The following FGF13 variants were observed in gnomAD, a reference collection of about 807,000 sequenced individuals.
FGF13 encodes fibroblast growth factor homologous factor 2.
In FGF13, 2 loss-of-function variants were observed where a neutral mutation model predicts 19.5. The ratio of observed to expected loss-of-function variants is 0.10; its 90% CI spans 0.04 to 0.32. FGF13 has a LOEUF of 0.32. Among genes scored for constraint, FGF13 ranks in the 10% least tolerant of loss-of-function variants. The pLI, the probability that FGF13 is intolerant of heterozygous loss-of-function variation, is 1.00. For synonymous variants in FGF13, 72 were observed against 76.9 expected (o/e 0.94, Z 0.33); for missense variants, 113 against 192.7 (o/e 0.59, Z 2.45).
chrX:138,711,642 T>TTGA lies in FGF13; in HGVS notation c.-640_-639insTCA, dbSNP rs2090052036. 1 of 753,606 alleles carries TTGA rather than the reference T, an allele frequency of 1.3e-6. No individual in the cohort carries two copies. Among genetic ancestry groups the TTGA allele is most frequent in the Non-Finnish European group, 1.6e-6 (1 of 638,906 alleles). The allele number at this position is 753,606 out of a possible 1,213,427, so 62.1% of individuals were successfully genotyped here. A position where few individuals can be genotyped will look rare whatever the true frequency, so the allele number is the denominator to read the frequency against. ...AGGTAATGGCCTCGCATCTTCGCTG[T>TTGA]TGCTGCTGCTCTGGGCGCGGCACAG... On this transcript the variant is annotated 5_prime_UTR_variant, in exon 1 of 5. Transcript: ENST00000315930.
intron 1 of FGF13, among the ~76,000 whole-genome samples, chrX:139,164,544 G>A (rs2084063530): frequency 9.1e-6 from 1 of 109,554 alleles, no homozygotes; most frequent in Non-Finnish European, 1.9e-5. Flanking sequence ...AACAAATTTT[G>A]CCGGGCGTCA....
chrX:138,956,993 C>T (rs1248763063), intron 1 of FGF13, among the ~76,000 whole-genome samples: 1 of 111,498 alleles, frequency 9.0e-6, no homozygotes, highest in Admixed American at 9.6e-5. Flanking sequence ...TTCAAAAGTC[C>T]CCATATGCTC....
intron 1 of FGF13, among the ~76,000 whole-genome samples, chrX:139,193,358 A>G (rs2084347370): frequency 8.9e-6 from 1 of 112,431 alleles, no homozygotes; most frequent in South Asian, 3.7e-4. Flanking sequence ...GTAAAGGAGC[A>G]TTTACAGAAA....
intron 1 of FGF13, among the ~76,000 whole-genome samples, chrX:139,063,323 C>A (rs5931565): frequency 2.7e-5 from 3 of 110,682 alleles, no homozygotes; most frequent in African/African-American, 6.6e-5. Flanking sequence ...TGCTCTCTTA[C>A]ATTATCTGTG....
At chrX:138,658,833 C>A (rs1307193117) in intron 3 of FGF13, among the ~76,000 whole-genome samples, 3 of 112,076 alleles carry the variant, frequency 2.7e-5, no homozygotes, top group Non-Finnish European at 5.6e-5. Flanking sequence ...GCTACATAAT[C>A]ATAGCTTGAT....
At chrX:139,091,595 G>T (rs1288187327) in intron 1 of FGF13, among the ~76,000 whole-genome samples, 12 of 111,735 alleles carry the variant, frequency 1.1e-4, no homozygotes, top group Admixed American at 2.9e-4. Context: ...AGCCAGGAGA[G>T]AAGTTCAATC....
chrX:138,903,120 A>C (rs1287314437), intron 1 of FGF13, among the ~76,000 whole-genome samples: 2 of 112,179 alleles, frequency 1.8e-5, no homozygotes, highest in Non-Finnish European at 3.8e-5. Context: ...CTAAATTCCC[A>C]TTACTGAATA....
chrX:138,990,556 G>A (rs1231471463), intron 1 of FGF13: 2 of 110,146 alleles, frequency 1.8e-5, no homozygotes, highest in Non-Finnish European at 3.8e-5. Flanking sequence ...AAGGCAAGCA[G>A]GAGCAAGTCA....
chrX:138,932,451 C>T (rs1158108191), intron 1 of FGF13, among the ~76,000 whole-genome samples: 5 of 107,661 alleles, frequency 4.6e-5, no homozygotes, highest in African/African-American at 1.0e-4. Flanking sequence ...TGGTGGCACA[C>T]GCCTGTAATC....
At chrX:139,099,377 CAAAAA>C (rs59882808) in intron 1 of FGF13, among the ~76,000 whole-genome samples, 16 of 32,959 alleles carry the variant, frequency 4.9e-4, no homozygotes, top group Middle Eastern at 0.02. Context: ...GTTTCTATCT[CAAAAA>C]AAAAAAAAAA....
At chrX:138,787,206 G>T (rs1484091394) in intron 3 of FGF13, among the ~76,000 whole-genome samples, 1 of 112,533 alleles carries the variant, frequency 8.9e-6, no homozygotes, top group Non-Finnish European at 1.9e-5. Context: ...ATTTGAATTA[G>T]CCCTTAATCA....
rs776187783 is a variant in FGF13, at chrX:138,656,402, G to A, written c.403-20747C>T. Among the ~76,000 whole-genome samples the A allele has an allele frequency of 2.1e-3, 238 of 111,784 alleles. 1 individual carries two copies. Among genetic ancestry groups the A allele is most frequent in the Admixed American group, 3.8e-3 (40 of 10,476 alleles). ...ATCATAGGGAATACAATGGCATAGCGTATGTAAATCCCGTAGGTGTTAGGG... is the reference window on the plus strand; with the variant it reads ...ATCATAGGGAATACAATGGCATAGCATATGTAAATCCCGTAGGTGTTAGGG... On this transcript the variant is annotated intron_variant, in intron 3 of 4. Transcript: ENST00000315930.
chrX:138,737,930 T>G (rs1266546325), intron 1 of FGF13, among the ~76,000 whole-genome samples: 1 of 112,759 alleles, frequency 8.9e-6, no homozygotes, highest in Non-Finnish European at 1.9e-5. Flanking sequence ...AATGTTGAAC[T>G]AATCTCACAA....
In FGF13 at chrX:139,091,239, C is replaced by G. The variant is rs138489695; in HGVS notation, c.-113+112177G>C. Among the ~76,000 whole-genome samples, 36 of 111,090 alleles carry G rather than the reference C, an allele frequency of 3.2e-4. No homozygotes were observed. In the East Asian group the frequency reaches 0.01, roughly 32 times the overall value. ...CTTGAAAAGCAAACTTGGCAAACCCCCTGATTTGTAGTCCAGAAAGCTGAA... is the reference window on the plus strand; with the variant it reads ...CTTGAAAAGCAAACTTGGCAAACCCGCTGATTTGTAGTCCAGAAAGCTGAA... On this transcript the variant is annotated intron_variant, in intron 1 of 2. Transcript: ENST00000421460.
chrX:138,838,926 C>A (rs1157760039), intron 3 of FGF13, among the ~76,000 whole-genome samples: 1 of 111,517 alleles, frequency 9.0e-6, no homozygotes, highest in Non-Finnish European at 1.9e-5. Context: ...GTGAGAAATA[C>A]ATGAATTTTG....
chrX:139,090,363 G>C (rs2083432007), intron 1 of FGF13, among the ~76,000 whole-genome samples: 1 of 111,149 alleles, frequency 9.0e-6, no homozygotes, highest in Non-Finnish European at 1.9e-5. Context: ...AACAAAAATA[G>C]CAAAGACTCA....
intron 1 of FGF13, among the ~76,000 whole-genome samples, chrX:139,109,852 G>A (rs1275133893): frequency 9.0e-6 from 1 of 111,724 alleles, no homozygotes; most frequent in Non-Finnish European, 1.9e-5. Flanking sequence ...AGATCATTGA[G>A]TCCAAGCCCT....
At chrX:139,081,079 T>C (rs1277412205) in intron 1 of FGF13, among the ~76,000 whole-genome samples, 2 of 111,331 alleles carry the variant, frequency 1.8e-5, no homozygotes, top group Non-Finnish European at 1.9e-5. Flanking sequence ...TGTCCATCCA[T>C]GCTTACTGCT....
chrX:138,657,292 G>C (rs755500719), intron 3 of FGF13, among the ~76,000 whole-genome samples: 68 of 111,992 alleles, frequency 6.1e-4, no homozygotes, highest in Admixed American at 1.6e-3. Flanking sequence ...CATTTGTCAT[G>C]AACAAACACA....
Sources: gnomAD v4.1 joint callset for allele counts (sites outside exome capture counted in the v4.1 genomes callset) on GRCh38, gnomAD v4.1.1 for gene constraint, MANE v1.5 for transcripts, NCBI Gene and HGNC (gene_info 2026-07-23, HGNC 2026-07-21) for gene names.